ARK2C: variants seen among roughly 807,000 people sequenced by gnomAD.
The protein encoded by ARK2C is E3 ubiquitin-protein ligase ARK2C.
At chr18:46,379,260 G>T in the ARK2C span, among the ~76,000 whole-genome samples, 2 of 152,182 alleles carry the variant, frequency 1.3e-5, no homozygotes, top group African/African-American at 4.8e-5. Context: ...CTAGTCCACA[G>T]GTTTTTAAGC....
chr18:46,405,771 G>C, the ARK2C span, among the ~76,000 whole-genome samples: 1 of 151,488 alleles, frequency 6.6e-6, no homozygotes, highest in Non-Finnish European at 1.5e-5. Context: ...AGCCATCCAG[G>C]CAAAGAATTT....
the ARK2C span, among the ~76,000 whole-genome samples, chr18:46,455,470 A>AT: frequency 6.6e-6 from 1 of 152,174 alleles, no homozygotes; most frequent in South Asian, 2.1e-4. Context: ...GACAGCAAAA[A>AT]TGATGTCCAC....
At chr18:46,458,527 G>A in the ARK2C span, 1 of 152,780 alleles carries the variant, frequency 6.5e-6, no homozygotes, top group South Asian at 2.1e-4. Context: ...TCCATACAGT[G>A]AAGGAAATTT....
At chr18:46,421,782 G>C in the ARK2C span, among the ~76,000 whole-genome samples, 1 of 152,124 alleles carries the variant, frequency 6.6e-6, no homozygotes, top group African/African-American at 2.4e-5. Context: ...GGGCAAGTAG[G>C]GTTCCTTAGG....
the ARK2C span, among the ~76,000 whole-genome samples, chr18:46,422,124 C>G: frequency 5.3e-5 from 8 of 152,158 alleles, no homozygotes; most frequent in Non-Finnish European, 1.2e-4. Flanking sequence ...AAAGAATGGC[C>G]TTTGAAGCTG....
chr18:46,373,429 G>C, the ARK2C span, among the ~76,000 whole-genome samples: 3 of 152,230 alleles, frequency 2.0e-5, no homozygotes, highest in African/African-American at 7.2e-5. Flanking sequence ...GCTCTCTCCA[G>C]GCCTTTTGAC....
the ARK2C span, among the ~76,000 whole-genome samples, chr18:46,346,034 A>G: frequency 6.6e-6 from 1 of 152,156 alleles, no homozygotes; most frequent in Non-Finnish European, 1.5e-5. Flanking sequence ...ACTCAATGCC[A>G]TTTGTAAGTG....
the ARK2C span, among the ~76,000 whole-genome samples, chr18:46,382,283 C>G: frequency 6.6e-6 from 1 of 152,168 alleles, no homozygotes; most frequent in Non-Finnish European, 1.5e-5. Context: ...GGAAATCAGG[C>G]AGTGCAGGAG....
the ARK2C span, among the ~76,000 whole-genome samples, chr18:46,350,259 G>A: frequency 1.5e-4 from 23 of 152,174 alleles, no homozygotes; most frequent in East Asian, 3.9e-4. Context: ...AACACCATGC[G>A]TATGCGTGTG....
chr18:46,408,984 G>A, the ARK2C span, among the ~76,000 whole-genome samples: 1 of 152,100 alleles, frequency 6.6e-6, no homozygotes, highest in Non-Finnish European at 1.5e-5. Flanking sequence ...TTTGTCCTTG[G>A]GAAAGTTACT....
At chr18:46,373,413 T>A in the ARK2C span, among the ~76,000 whole-genome samples, 1 of 152,200 alleles carries the variant, frequency 6.6e-6, no homozygotes, top group East Asian at 1.9e-4. Context: ...ACCCAGCAAG[T>A]CGTGGGCTCT....
the ARK2C span, among the ~76,000 whole-genome samples, chr18:46,366,292 C>CA: frequency 0.041 from 2,235 of 54,448 alleles, 301 homozygotes; most frequent in Non-Finnish European, 0.053. Context: ...AACTCTGGCT[C>CA]AAAAAAAAAA....
the ARK2C span, among the ~76,000 whole-genome samples, chr18:46,431,410 T>C: frequency 2.0e-5 from 3 of 152,218 alleles, no homozygotes; most frequent in South Asian, 6.2e-4. Context: ...CAGTGGCCAG[T>C]TGGGGACCCA....
chr18:46,363,949 T>TC, the ARK2C span, among the ~76,000 whole-genome samples: 3 of 145,286 alleles, frequency 2.1e-5, no homozygotes, highest in Admixed American at 6.8e-5. Context: ...TCTTTTCTTT[T>TC]TTTTTTTTTT....
the ARK2C span, among the ~76,000 whole-genome samples, chr18:46,343,874 C>T: frequency 1.3e-5 from 2 of 152,242 alleles, no homozygotes; most frequent in Non-Finnish European, 2.9e-5. Flanking sequence ...AGGGCATGGG[C>T]TAAACCTGGA....
the ARK2C span, among the ~76,000 whole-genome samples, chr18:46,356,668 C>T: frequency 6.6e-6 from 1 of 152,186 alleles, no homozygotes; most frequent in Non-Finnish European, 1.5e-5. Flanking sequence ...GCCCCAGACA[C>T]AGGCAGCTGA....
At chr18:46,357,956 A>T in the ARK2C span, among the ~76,000 whole-genome samples, 6 of 152,116 alleles carry the variant, frequency 3.9e-5, no homozygotes, top group Non-Finnish European at 8.8e-5. Context: ...TTGTAGCCGC[A>T]TCACTCCAGT....
the ARK2C span, among the ~76,000 whole-genome samples, chr18:46,392,870 C>T: frequency 2.2e-4 from 34 of 152,284 alleles, no homozygotes; most frequent in Admixed American, 9.2e-4. Context: ...GTGAGATGAC[C>T]TCCTGGTCTT....
chr18:46,350,458 T>C, the ARK2C span, among the ~76,000 whole-genome samples: 1 of 152,160 alleles, frequency 6.6e-6, no homozygotes, highest in African/African-American at 2.4e-5. Context: ...CAGTAGAGCA[T>C]GAGAGAAGGG....
Sources: gnomAD v4.1 joint callset for allele counts (sites outside exome capture counted in the v4.1 genomes callset) on GRCh38, gnomAD v4.1.1 for gene constraint, MANE v1.5 for transcripts, NCBI Gene and HGNC (gene_info 2026-07-23, HGNC 2026-07-21) for gene names.